Variants in BRCA1 observed in about 807,000 individuals in gnomAD.
BRCA1 encodes breast cancer type 1 susceptibility protein.
BRCA1 carries 140 observed loss-of-function variants against 173.7 expected under a neutral mutation model. The ratio of observed to expected loss-of-function variants is 0.81; its 90% CI spans 0.70 to 0.93. BRCA1 has a LOEUF of 0.93. Among genes scored for constraint, BRCA1 ranks in the 40% least tolerant of loss-of-function variants. The pLI, the probability that BRCA1 is intolerant of heterozygous loss-of-function variation, is 0.00. For synonymous variants in BRCA1, 662 were observed against 756.0 expected, an observed-to-expected ratio of 0.88 and a Z score of 2.04; for missense variants, 1,983 against 2,172.5, an observed-to-expected ratio of 0.91 and a Z score of 1.73.
chr17:43,082,212 T>C (rs1247295889), intron 12 of BRCA1, among the ~76,000 whole-genome samples, 192 bp downstream of exon 12: 1 of 152,162 alleles, frequency 6.6e-6, no homozygotes, highest in African/African-American at 2.4e-5. Flanking sequence ...GATGACAACA[T>C]GAATGACTGC....
chr17:43,050,425 G>A (rs895904464), intron 20 of BRCA1, among the ~76,000 whole-genome samples: 26 of 151,716 alleles, frequency 1.7e-4, no homozygotes, highest in African/African-American at 5.1e-4. Context: ...TGGCTAACAC[G>A]GTGAAACCCC....
At position 43,093,656 on chromosome 17, in the gene BRCA1, T is replaced by C. The variant is rs786201429; in HGVS notation, c.1875A>G (p.Leu625=). 11 of 1,614,142 alleles carry C rather than the reference T, an allele frequency of 6.8e-6. No homozygotes were observed. Among genetic ancestry groups the C allele is most frequent in the Admixed American group, 1.7e-5 (1 of 60,010 alleles). The change falls in exon 10 of 23, where the codon CTA becomes CTG. Residue 625 remains leucine (L), a synonymous_variant. Transcript: ENST00000357654. ...SSTRHIHALE[L]VVSRNLSPPN... ...GTGGGCTTAGATTTCTACTGACTAC[T>C]AGTTCAAGCGCATGAATATGCCTGG...
At position 43,104,167 on chromosome 17, in the gene BRCA1, G is replaced by T. The variant is rs80357413; in HGVS notation, c.396C>A (p.Asn132Lys). Reference protein sequence around the residue: ...VSIIQSMGYRNRAKRLLQSEP... With the variant: ...VSIIQSMGYRKRAKRLLQSEP... ...CACTCTGTAGAAGTCTTTTGGCACG[G>T]TTTCTGTAGCCCATACTTTGGATGA... is the stretch of plus-strand genomic sequence containing the variant. The change falls in exon 6 of 23, where the codon AAC becomes AAA. Residue 132 changes from asparagine to lysine, a missense_variant. By Grantham distance (94) the Asn-to-Lys change is moderately conservative. Transcript: ENST00000357654. The T allele has an allele frequency of 3.7e-5, 60 of 1,613,926 alleles. No individual in the cohort carries two copies. Among genetic ancestry groups the T allele is most frequent in the Non-Finnish European group, 4.9e-5 (58 of 1,179,978 alleles).
chr17:43,148,374 A>C (rs181229620), intron 1 of BRCA1: 51 of 153,118 alleles, frequency 3.3e-4, no homozygotes, highest in Non-Finnish European at 6.8e-4. Context: ...GCTTTGTGTG[A>C]GCAATAGTTT....
At chr17:43,126,049 T>C (rs573032148), upstream of BRCA1, among the ~76,000 whole-genome samples, 23 of 152,192 alleles carry the variant, frequency 1.5e-4, no homozygotes, top group Non-Finnish European at 2.9e-4. Context: ...TACAACTCTT[T>C]AGGGAGACTA....
At chr17:43,131,398 TAAA>T in intron 1 of BRCA1, 1 of 309,652 alleles carries the variant, frequency 3.2e-6, no homozygotes, top group Non-Finnish European at 7.0e-6. Flanking sequence ...ATAATAATAA[TAAA>T]AACAATGAGA....
rs863224416 is a variant in BRCA1 at position 43,094,514 on chromosome 17, C to T, written c.1017G>A (p.Lys339=). The part of the protein sequence containing the change: ...NDRRTPSTEK[K]VDLNADPLCE... ...ACAGGGGATCAGCATTCAGATCTAC[C>T]TTTTTTTCTGTGCTGGGAGTCCGCC... The change falls in exon 10 of 23, where the codon AAG becomes AAA. Residue 339 remains lysine (K), a synonymous_variant. Transcript: ENST00000357654. 1.2e-6 allele frequency: 2 copies of T among 1,614,012 alleles called. No individual in the cohort carries two copies. The highest frequency in any genetic ancestry group is 1.7e-6 in the Non-Finnish European group (2 of 1,180,024).
chr17:43,072,308 G>T (rs1450924053), intron 14 of BRCA1, among the ~76,000 whole-genome samples: 2 of 151,684 alleles, frequency 1.3e-5, no homozygotes, highest in Non-Finnish European at 2.9e-5. Context: ...AGAATCGCTC[G>T]AACCCAGGAG....
At chr17:43,056,304 G>A (rs1334604211) in intron 19 of BRCA1, among the ~76,000 whole-genome samples, 2 of 151,814 alleles carry the variant, frequency 1.3e-5, no homozygotes, top group African/African-American at 2.4e-5. Flanking sequence ...CTTCCGAGTA[G>A]CTGGAACTAC....
At chr17:43,166,430 G>C (rs2056269043) in intron 1 of BRCA1, 1 of 152,022 alleles carries the variant, frequency 6.6e-6, no homozygotes, top group South Asian at 2.1e-4. Context: ...TTGAAACAAG[G>C]GACCTGTCCA....
At chr17:43,079,666 T>A (rs1421153951) in intron 12 of BRCA1, 8 of 883,264 alleles carry the variant, frequency 9.1e-6, no homozygotes, top group Non-Finnish European at 1.4e-5. Flanking sequence ...AAGAGAAAGG[T>A]ACGTGGGTTC....
At chr17:43,102,735 C>G (rs1047353392) in intron 6 of BRCA1, among the ~76,000 whole-genome samples, 1 of 151,658 alleles carries the variant, frequency 6.6e-6, no homozygotes, top group Non-Finnish European at 1.5e-5. Flanking sequence ...TCACTGTAGT[C>G]TACATCTCCT....
At chr17:43,127,978 T>G (rs1268415114), upstream of BRCA1, among the ~76,000 whole-genome samples, 1 of 136,418 alleles carries the variant, frequency 7.3e-6, no homozygotes, top group Admixed American at 8.2e-5. Context: ...GAGCCCAGAT[T>G]GCACCACTGC....
At chr17:43,106,378 A>G (rs1206757778) in intron 4 of BRCA1, 78 bp downstream of exon 4, 2 of 909,056 alleles carry the variant, frequency 2.2e-6, no homozygotes, top group Admixed American at 2.3e-5. Flanking sequence ...GTTTTATAGG[A>G]ACGCTATGTT....
chr17:43,165,468 C>T lies in BRCA1; in HGVS notation c.-20+4658G>A, dbSNP rs898656640. Among the ~76,000 whole-genome samples, 17 of 130,108 alleles carry T rather than the reference C, an allele frequency of 1.3e-4. No homozygotes were observed. In the Admixed American group the frequency reaches 1.5e-3, roughly 12 times the overall value. 85.4% of individuals were successfully genotyped at this position (130,108 alleles called of 152,430 possible). A position where few individuals can be genotyped will look rare whatever the true frequency, so the allele number is the denominator to read the frequency against. ...AAAGATATATTTTACTTTTCTTATA[C>T]ACCTTGCATATAAACTGTTTTTTTT... On this transcript the variant is annotated intron_variant, in intron 1 of 7. Coordinates refer to the BRCA1 transcript ENST00000634433.
intron 1 of BRCA1, among the ~76,000 whole-genome samples, chr17:43,137,106 A>G (rs1357206810): frequency 6.6e-6 from 1 of 152,138 alleles, no homozygotes; most frequent in Non-Finnish European, 1.5e-5. Flanking sequence ...CAGTCCTAAA[A>G]AATGATGAGT....
intron 19 of BRCA1, among the ~76,000 whole-genome samples, chr17:43,053,718 C>T (rs1408752935): frequency 6.6e-6 from 1 of 151,900 alleles, no homozygotes. Context: ...GCCTGTAATC[C>T]TAGCACTTTG....
At chr17:43,056,944 T>G (rs2153336466) in intron 19 of BRCA1, 108 bp downstream of exon 19, 1 of 962,906 alleles carries the variant, frequency 1.0e-6, no homozygotes, top group Non-Finnish European at 1.7e-6. Flanking sequence ...TAGCACTGTG[T>G]ATGTATGTAA....
chr17:43,101,875 TC>T (rs2154544091), intron 6 of BRCA1, among the ~76,000 whole-genome samples: 1 of 152,240 alleles, frequency 6.6e-6, no homozygotes, highest in Non-Finnish European at 1.5e-5. Flanking sequence ...CACTACATTT[TC>T]TTTAACAATT....
Sources: allele counts gnomAD v4.1 joint callset (sites outside exome capture counted in the v4.1 genomes callset), GRCh38; gene constraint gnomAD v4.1.1; transcripts MANE v1.5; gene names NCBI Gene and HGNC (gene_info 2026-07-23, HGNC 2026-07-21).